KIAA0319L: variants seen among roughly 807,000 people sequenced by gnomAD.
The protein encoded by KIAA0319L is KIAA0319 like.
A neutral mutation model predicts 120.1 loss-of-function variants in KIAA0319L; 55 were observed. That is an observed-to-expected ratio of 0.46 (90% CI 0.37 to 0.57). The LOEUF (loss-of-function observed/expected upper bound fraction) is 0.57, where lower values mean the gene tolerates loss of function less well. KIAA0319L is among the 20% of genes least tolerant of loss of function. The pLI is 0.00. For synonymous variants in KIAA0319L, 398 were observed against 471.9 expected, an observed-to-expected ratio of 0.84 and a Z score of 2.03; for missense variants, 1,049 against 1,255.3, an observed-to-expected ratio of 0.84 and a Z score of 2.48.
intron 2 of KIAA0319L, among the ~76,000 whole-genome samples, chr1:35,524,123 A>G (rs1426887175): frequency 6.6e-6 from 1 of 152,246 alleles, no homozygotes. Context: ...CAAGTCTTAC[A>G]AATTGAACTT....
chr1:35,491,696 A>G (rs1347344274), intron 3 of KIAA0319L, among the ~76,000 whole-genome samples: 1 of 152,154 alleles, frequency 6.6e-6, no homozygotes, highest in Non-Finnish European at 1.5e-5. Context: ...AACGAATAAA[A>G]CCAAACATGG....
intron 2 of KIAA0319L, among the ~76,000 whole-genome samples, chr1:35,547,152 C>T (rs1647014144): frequency 6.9e-6 from 1 of 144,494 alleles, no homozygotes; most frequent in Non-Finnish European, 1.5e-5. Context: ...GTAATATATA[C>T]ATATATAATT....
At chr1:35,436,996 G>C (rs1040391565) in intron 20 of KIAA0319L, among the ~76,000 whole-genome samples, 2 of 152,142 alleles carry the variant, frequency 1.3e-5, no homozygotes, top group Non-Finnish European at 2.9e-5. Context: ...AACCCACTGA[G>C]CCCAGAACAA....
intron 4 of KIAA0319L, among the ~76,000 whole-genome samples, chr1:35,475,675 T>C (rs888595880): frequency 6.6e-6 from 1 of 152,110 alleles, no homozygotes; most frequent in South Asian, 2.1e-4. Context: ...ATCTTCCCTC[T>C]GCTAGCTCTC....
At chr1:35,485,403 C>G (rs1395325358) in intron 3 of KIAA0319L, among the ~76,000 whole-genome samples, 1 of 152,150 alleles carries the variant, frequency 6.6e-6, no homozygotes. Flanking sequence ...AGACCTCAAA[C>G]CCATAAAGCT....
Position 35,462,621 on chromosome 1 carries a change from G to A in KIAA0319L, c.1294C>T (p.Gln432Ter), listed in dbSNP as rs762493548. ...PTTSTVIDGSQSTDDDKIVQY... is the reference protein window; with the variant it reads ...PTTSTVIDGS ...ACATCATACTTAGACAAGTACTCAC[G>A]ACTGCCATCAATGACTGTAGAAGTG... Residue 432 changes from glutamine to a stop codon, truncating the protein, a stop_gained and splice_region_variant, in exon 8 of 21, where the codon CAA becomes TAA. Coordinates refer to ENST00000325722, the MANE Select transcript of KIAA0319L (RefSeq NM_024874.5). LOFTEE classifies it high-confidence loss of function. The A allele has an allele frequency of 5.0e-6, 8 of 1,602,988 alleles. No homozygotes were observed. The highest frequency in any genetic ancestry group is 5.1e-6 in the Non-Finnish European group (6 of 1,170,076).
At chr1:35,442,140 T>C in intron 19 of KIAA0319L, 106 bp downstream of exon 19, 1 of 846,066 alleles carries the variant, frequency 1.2e-6, no homozygotes, top group South Asian at 1.4e-5. Flanking sequence ...TAATGCTGAC[T>C]AAGGACCCAG....
At chr1:35,520,108 CTTTTTT>C (rs557915516) in intron 2 of KIAA0319L, among the ~76,000 whole-genome samples, 5 of 142,848 alleles carry the variant, frequency 3.5e-5, no homozygotes, top group Non-Finnish European at 6.1e-5. Context: ...CTTTTCTTTT[CTTTTTT>C]TTTTTTGAGA....
At chr1:35,487,494 A>G (rs1236970842) in intron 3 of KIAA0319L, among the ~76,000 whole-genome samples, 1 of 152,138 alleles carries the variant, frequency 6.6e-6, no homozygotes, top group African/African-American at 2.4e-5. Context: ...GCCTCAAGTG[A>G]TCCACCTGCC....
intron 19 of KIAA0319L, among the ~76,000 whole-genome samples, chr1:35,441,902 T>C (rs1049010997): frequency 6.6e-6 from 1 of 152,140 alleles, no homozygotes; most frequent in Non-Finnish European, 1.5e-5. Context: ...CTGGTGAGGC[T>C]ACAGTGTGGT....
Position 35,506,538 on chromosome 1 carries a change from C to T in KIAA0319L, c.666+74G>A. 7.1e-7 allele frequency: 1 copy of T among 1,415,728 alleles called. No individual in the cohort carries two copies. Among genetic ancestry groups the T allele is most frequent in the African/African-American group, 1.4e-5 (1 of 70,388 alleles). 87.7% of individuals were successfully genotyped at this position (1,415,728 alleles called of 1,614,324 possible). On this transcript the variant is annotated intron_variant, in intron 3 of 20. Transcript: ENST00000325722. The surrounding 1 kb of genome is among the most constrained non-coding windows in gnomAD (Gnocchi z 4.0). ...TATGAGCACTGCCCGCAAGCATCAG[C>T]TTCATTGCTCATATATACCAAATGT...
At chr1:35,461,708 A>G (rs1395302384) in intron 8 of KIAA0319L, among the ~76,000 whole-genome samples, 1 of 152,228 alleles carries the variant, frequency 6.6e-6, no homozygotes, top group Admixed American at 6.5e-5. Context: ...TTGCATATTT[A>G]TTTAACTTTC....
At chr1:35,547,374 T>A (rs1423663490) in intron 2 of KIAA0319L, among the ~76,000 whole-genome samples, 1 of 151,234 alleles carries the variant, frequency 6.6e-6, no homozygotes, top group Non-Finnish European at 1.5e-5. Flanking sequence ...TGTAAATACA[T>A]GTATTTATAT....
At chr1:35,537,630 A>C (rs921278385) in intron 2 of KIAA0319L, among the ~76,000 whole-genome samples, 2 of 150,566 alleles carry the variant, frequency 1.3e-5, no homozygotes, top group African/African-American at 2.4e-5. Context: ...AAAAAAAAAA[A>C]AAAAAAACTG....
intron 17 of KIAA0319L, among the ~76,000 whole-genome samples, chr1:35,443,626 T>C (rs1641391690): frequency 6.6e-6 from 1 of 151,818 alleles, no homozygotes; most frequent in African/African-American, 2.4e-5. Context: ...TGAGCTGAGA[T>C]TACACCACTG....
chr1:35,477,851 C>CA (rs1025581861), intron 4 of KIAA0319L, among the ~76,000 whole-genome samples: 14 of 151,860 alleles, frequency 9.2e-5, no homozygotes, highest in African/African-American at 2.9e-4. Flanking sequence ...GGAGGTTCCT[C>CA]AAAAAAATAA....
Position 35,444,181 on chromosome 1 carries a change from G to A in KIAA0319L, c.2636C>T (p.Ala879Val). 2 of 1,605,670 alleles carry A rather than the reference G, an allele frequency of 1.2e-6. No homozygotes were observed. Among genetic ancestry groups the A allele is most frequent in the Admixed American group, 1.7e-5 (1 of 58,560 alleles). ...KQKADFLIFR[A>V]LEVNTVTCQL... ...CTCACTGACAGTGTTGACTTCCAAG[G>A]CTCTGAATATCAAAAAGTCTGCCTT... is the stretch of plus-strand genomic sequence containing the variant. The change falls in exon 17 of 21, where the codon GCC becomes GTC. Residue 879 changes from alanine to valine, a missense_variant. By Grantham distance (64) the Ala-to-Val change is moderately conservative. Transcript: ENST00000325722.
At chr1:35,490,520 A>G (rs1055585797) in intron 3 of KIAA0319L, among the ~76,000 whole-genome samples, 2 of 152,188 alleles carry the variant, frequency 1.3e-5, no homozygotes, top group Non-Finnish European at 2.9e-5. Context: ...TACTATAATG[A>G]GAAAAAAAAT....
intron 2 of KIAA0319L, among the ~76,000 whole-genome samples, chr1:35,513,645 A>G (rs1389920303): frequency 6.6e-6 from 1 of 152,168 alleles, no homozygotes; most frequent in Non-Finnish European, 1.5e-5. Context: ...AATAATATAC[A>G]TAACTTCCAA....
Sources: allele counts gnomAD v4.1 joint callset (sites outside exome capture counted in the v4.1 genomes callset), GRCh38; gene constraint gnomAD v4.1.1; non-coding constraint Gnocchi (gnomAD v3.1); transcripts MANE v1.5; gene names NCBI Gene and HGNC (gene_info 2026-07-23, HGNC 2026-07-21).